Variants in FAM161A observed in about 807,000 individuals in gnomAD.
FAM161A encodes the protein protein FAM161A.
Under a neutral mutation model 70.9 loss-of-function variants are expected in FAM161A, and 57 were observed. That is an observed-to-expected ratio of 0.80 (90% confidence interval 0.65 to 1.00). FAM161A has a LOEUF of 1.00. FAM161A is among the 50% of genes least tolerant of loss of function. The pLI is 0.00. For missense variants in FAM161A, 880 were observed against 836.0 expected, an observed-to-expected ratio of 1.05 and a Z score of -0.65; for synonymous variants, 299 against 295.7, an observed-to-expected ratio of 1.01 and a Z score of -0.12.
At chr2:61,849,104 ATT>A (rs1349362961) in intron 1 of FAM161A, among the ~76,000 whole-genome samples, 24 of 99,210 alleles carry the variant, frequency 2.4e-4, no homozygotes, top group Non-Finnish European at 3.7e-4. Flanking sequence ...AAATATATAT[ATT>A]TATATATATA....
downstream of FAM161A, among the ~76,000 whole-genome samples, chr2:61,821,376 A>G (rs1377601699): frequency 6.6e-6 from 1 of 152,080 alleles, no homozygotes. Flanking sequence ...ATAGTTATAT[A>G]CCAATTTTTT....
chr2:61,822,832 C>A (rs911919935), downstream of FAM161A, among the ~76,000 whole-genome samples: 1 of 151,786 alleles, frequency 6.6e-6, no homozygotes, highest in Non-Finnish European at 1.5e-5. Flanking sequence ...TCAGGTGATC[C>A]GCCTGCCTCA....
At chr2:61,817,144 C>T in the FAM161A span, among the ~76,000 whole-genome samples, 1 of 152,198 alleles carries the variant, frequency 6.6e-6, no homozygotes, top group African/African-American at 2.4e-5. Context: ...TCAAGTGCCA[C>T]GCGGGGACAG....
the FAM161A span, among the ~76,000 whole-genome samples, chr2:61,811,664 C>T: frequency 8.6e-4 from 131 of 151,880 alleles, 2 homozygotes; most frequent in Admixed American, 2.0e-3. Flanking sequence ...TGAACCACTG[C>T]GCCTGGCCTA....
chr2:61,827,311 T>G, intron 5 of FAM161A, 53 bp from the exon 6 acceptor site: 1 of 1,590,852 alleles, frequency 6.3e-7, no homozygotes, highest in Non-Finnish European at 8.6e-7. Flanking sequence ...TAAATTTTCA[T>G]CAAAAATGTA....
At chr2:61,809,976 T>C in the FAM161A span, among the ~76,000 whole-genome samples, 603 of 152,274 alleles carry the variant, frequency 4.0e-3, 2 homozygotes, top group African/African-American at 0.013. Flanking sequence ...CCATCTACCA[T>C]TGGAGGGCAT....
chr2:61,846,913 G>C (rs1419140499), intron 1 of FAM161A: 1 of 454,966 alleles, frequency 2.2e-6, no homozygotes. Flanking sequence ...AGGCACAGTG[G>C]TTCATGCCTG....
At chr2:61,818,947 T>A in the FAM161A span, among the ~76,000 whole-genome samples, 7 of 152,200 alleles carry the variant, frequency 4.6e-5, no homozygotes, top group Non-Finnish European at 1.0e-4. Context: ...AAATTTAGTG[T>A]CAATAATAAT....
intron 1 of FAM161A, among the ~76,000 whole-genome samples, chr2:61,844,482 T>A (rs1673135749): frequency 6.6e-6 from 1 of 151,964 alleles, no homozygotes; most frequent in African/African-American, 2.4e-5. Flanking sequence ...CCAGATCACT[T>A]GAGGTCAGGA....
chr2:61,828,573 C>T (rs370936382), intron 5 of FAM161A, among the ~76,000 whole-genome samples: 8 of 152,164 alleles, frequency 5.3e-5, no homozygotes, highest in Non-Finnish European at 8.8e-5. Flanking sequence ...AGTGATCCAC[C>T]GGCCTTGGCC....
downstream of FAM161A, chr2:61,820,382 A>G (rs1672178005): frequency 1.2e-5 from 9 of 757,304 alleles, no homozygotes; most frequent in South Asian, 1.2e-4. Flanking sequence ...TTTGTCACCT[A>G]TGCCACTGTG....
chr2:61,813,835 C>T, the FAM161A span, among the ~76,000 whole-genome samples: 1 of 151,992 alleles, frequency 6.6e-6, no homozygotes, highest in Non-Finnish European at 1.5e-5. Context: ...TGGTCGTTCA[C>T]TCAAAAACAT....
At chr2:61,846,468 A>G (rs930060387) in intron 1 of FAM161A, among the ~76,000 whole-genome samples, 6 of 152,160 alleles carry the variant, frequency 3.9e-5, no homozygotes, top group Non-Finnish European at 7.4e-5. Context: ...AGCTTAGGAG[A>G]AAGATTTCAG....
chr2:61,848,492 C>T (rs1468261805), intron 1 of FAM161A, among the ~76,000 whole-genome samples: 1 of 151,980 alleles, frequency 6.6e-6, no homozygotes, highest in Non-Finnish European at 1.5e-5. Context: ...ATAGCATCCT[C>T]TCCCTTTAAT....
chr2:61,838,761 G>A, intron 3 of FAM161A, 56 bp from the exon 4 acceptor site: 2 of 1,312,454 alleles, frequency 1.5e-6, no homozygotes, highest in Non-Finnish European at 2.0e-6. Flanking sequence ...ATGTTGTTTA[G>A]CAAAGATTTA....
chr2:61,816,186 C>T, the FAM161A span, among the ~76,000 whole-genome samples: 2 of 152,142 alleles, frequency 1.3e-5, no homozygotes, highest in Non-Finnish European at 1.5e-5. Flanking sequence ...CACCTCCATA[C>T]TGAGGATGCA....
intron 1 of FAM161A, among the ~76,000 whole-genome samples, chr2:61,849,455 C>A (rs887804446): frequency 6.6e-6 from 1 of 151,406 alleles, no homozygotes; most frequent in Non-Finnish European, 1.5e-5. Context: ...CCCTGGGCAA[C>A]ATAGTGAGAC....
At chr2:61,847,134 C>T (rs1673251265) in intron 1 of FAM161A, 1 of 275,582 alleles carries the variant, frequency 3.6e-6, no homozygotes, top group African/African-American at 2.3e-5. Context: ...TGCACTCTAG[C>T]CTGGGTGACA....
the FAM161A span, among the ~76,000 whole-genome samples, chr2:61,812,603 T>A: frequency 6.6e-6 from 1 of 152,128 alleles, no homozygotes; most frequent in Non-Finnish European, 1.5e-5. Flanking sequence ...GTGCCTGCAA[T>A]CTCAGCTACT....
Sources: allele counts gnomAD v4.1 joint callset (sites outside exome capture counted in the v4.1 genomes callset), GRCh38; gene constraint gnomAD v4.1.1; transcripts MANE v1.5; gene names NCBI Gene and HGNC (gene_info 2026-07-23, HGNC 2026-07-21).